Variants in CNTNAP2 observed in about 807,000 individuals in gnomAD.
The protein encoded by CNTNAP2 is contactin-associated protein-like 2.
Under a neutral mutation model 155.2 loss-of-function variants are expected in CNTNAP2, and 98 were observed. The observed-to-expected ratio is 0.63, with a 90% CI of 0.54 to 0.75. CNTNAP2 has a LOEUF of 0.75. CNTNAP2 is among the 30% of genes least tolerant of loss of function. The probability of loss-of-function intolerance (pLI) is 0.00; values close to 1 mark genes in which losing one functional copy is unlikely to be tolerated. For synonymous variants in CNTNAP2, 651 were observed against 631.2 expected, an observed-to-expected ratio of 1.03 and a Z score of -0.47; for missense variants, 1,727 against 1,688.1, an observed-to-expected ratio of 1.02 and a Z score of -0.40.
intron 1 of CNTNAP2, 23 bp from the exon 2 acceptor site, chr7:146,774,248 C>A (rs1476808496): frequency 6.4e-7 from 1 of 1,565,390 alleles, no homozygotes; most frequent in South Asian, 1.1e-5. Flanking sequence ...GTGTCTCTCT[C>A]CCTCTCTGTC....
intron 13 of CNTNAP2, among the ~76,000 whole-genome samples, chr7:147,795,057 T>C (rs1420721395): frequency 6.6e-6 from 1 of 151,962 alleles, no homozygotes; most frequent in Non-Finnish European, 1.5e-5. Context: ...ATGTTAACTA[T>C]CTCTGTTATT....
chr7:147,734,051 T>C (rs1302471763), intron 13 of CNTNAP2, among the ~76,000 whole-genome samples: 4 of 152,172 alleles, frequency 2.6e-5, no homozygotes, highest in African/African-American at 4.8e-5. Context: ...TCCAACACTA[T>C]GTTCAATAGT....
chr7:147,106,548 A>T (rs1212378656), intron 4 of CNTNAP2, among the ~76,000 whole-genome samples: 1 of 152,148 alleles, frequency 6.6e-6, no homozygotes, highest in Non-Finnish European at 1.5e-5. Flanking sequence ...AGAGCTGATT[A>T]TAAGAATTAA....
At chr7:146,899,243 C>T (rs1224766316) in intron 3 of CNTNAP2, among the ~76,000 whole-genome samples, 6 of 152,152 alleles carry the variant, frequency 3.9e-5, no homozygotes, top group African/African-American at 1.4e-4. Context: ...TTGCTGACTT[C>T]CCAAATTCCA....
At chr7:147,375,344 G>A (rs987506545) in intron 9 of CNTNAP2, among the ~76,000 whole-genome samples, 12 of 152,048 alleles carry the variant, frequency 7.9e-5, no homozygotes, top group African/African-American at 2.9e-4. Context: ...AACACAACTG[G>A]TGTGATTTGT....
In CNTNAP2 at chr7:146,151,682, GTATATATATATATATGTA is replaced by G. The variant is rs1271837030; in HGVS notation, c.97+34723_97+34740del. On this transcript the variant is annotated intron_variant, in intron 1 of 23. Coordinates refer to ENST00000361727, the MANE Select transcript of CNTNAP2 (RefSeq NM_014141.6). The stretch of plus-strand genomic sequence containing the variant: ...TATATATATATATATATATATATAT[GTATATATATATATATGTA>G]TATATATATATATGTATATATATAT... Among the ~76,000 whole-genome samples, 18 of 74,136 alleles carry G rather than the reference GTATATATATATATATGTA, an allele frequency of 2.4e-4. 1 individual carries two copies. Among genetic ancestry groups the G allele is most frequent in the Admixed American group, 4.0e-4 (2 of 4,940 alleles). 48.6% of individuals were successfully genotyped at this position (74,136 alleles called of 152,430 possible).
At chr7:148,264,587 G>A (rs1452346318) in intron 20 of CNTNAP2, among the ~76,000 whole-genome samples, 1 of 152,000 alleles carries the variant, frequency 6.6e-6, no homozygotes, top group Non-Finnish European at 1.5e-5. Flanking sequence ...TTATTAGCAG[G>A]CAACTTTTTT....
At chr7:147,050,351 T>C (rs1170794586) in intron 4 of CNTNAP2, among the ~76,000 whole-genome samples, 1 of 152,190 alleles carries the variant, frequency 6.6e-6, no homozygotes, top group East Asian at 1.9e-4. Context: ...TGATGGCAAA[T>C]ACTTAATTAG....
intron 1 of CNTNAP2, among the ~76,000 whole-genome samples, chr7:146,553,105 T>C (rs566523005): frequency 6.6e-6 from 1 of 152,282 alleles, no homozygotes; most frequent in Non-Finnish European, 1.5e-5. Context: ...TTTTAGTCTC[T>C]TCTGTTCACT....
intron 1 of CNTNAP2, among the ~76,000 whole-genome samples, chr7:146,616,710 T>C (rs771545568): frequency 5.3e-5 from 8 of 152,164 alleles, no homozygotes; most frequent in Non-Finnish European, 1.0e-4. Flanking sequence ...CAGACTAGCG[T>C]CTCTTCTAAT....
At chr7:146,777,854 A>G (rs1802417138) in intron 2 of CNTNAP2, among the ~76,000 whole-genome samples, 1 of 152,086 alleles carries the variant, frequency 6.6e-6, no homozygotes, top group Admixed American at 6.5e-5. Context: ...GTAGGGTGAA[A>G]TTCTTGAAAA....
chr7:148,257,305 G>A (rs1350955824), intron 20 of CNTNAP2, among the ~76,000 whole-genome samples: 2 of 152,150 alleles, frequency 1.3e-5, no homozygotes, highest in Non-Finnish European at 2.9e-5. Context: ...GGCATCCGCC[G>A]TGAAACACAC....
In CNTNAP2 at chr7:148,312,851, G is replaced by T. The variant is rs547625814; in HGVS notation, c.3475+45725G>T. ...TTTAATGGGATGGTAAGGGGTGCAT[G>T]ATCGGTCGCTAAGGAGGGAGTAGTG... On this transcript the variant is annotated intron_variant, in intron 21 of 23. Coordinates refer to ENST00000361727, the MANE Select transcript of CNTNAP2 (RefSeq NM_014141.6). 2.6e-5 allele frequency among the ~76,000 whole-genome samples: 4 copies of T among 151,624 alleles called. No homozygotes were observed. The East Asian group carries it at 5.9e-4, about 22-fold the overall frequency.
chr7:146,566,295 A>G (rs2129145149), intron 1 of CNTNAP2, among the ~76,000 whole-genome samples: 1 of 152,344 alleles, frequency 6.6e-6, no homozygotes, highest in Non-Finnish European at 1.5e-5. Context: ...ATGAAGATTT[A>G]TCTTTCAATT....
intron 3 of CNTNAP2, among the ~76,000 whole-genome samples, chr7:146,927,431 A>T (rs1796630130): frequency 6.6e-6 from 1 of 152,152 alleles, no homozygotes; most frequent in African/African-American, 2.4e-5. Flanking sequence ...CCAGAATTAG[A>T]AATATATATA....
At chr7:146,847,176 A>G (rs779930148) in intron 3 of CNTNAP2, among the ~76,000 whole-genome samples, 12 of 152,150 alleles carry the variant, frequency 7.9e-5, no homozygotes, top group African/African-American at 2.4e-4. Context: ...TGAATAAGAT[A>G]TCAGTTCCTT....
chr7:146,610,196 G>C (rs1799112661), intron 1 of CNTNAP2, among the ~76,000 whole-genome samples: 1 of 152,180 alleles, frequency 6.6e-6, no homozygotes, highest in African/African-American at 2.4e-5. Context: ...ATGTAAACCT[G>C]TGGGATTTGC....
intron 1 of CNTNAP2, among the ~76,000 whole-genome samples, chr7:146,414,752 T>C (rs1210293741): frequency 6.6e-6 from 1 of 152,182 alleles, no homozygotes; most frequent in Non-Finnish European, 1.5e-5. Context: ...ATGCCTGGTA[T>C]GCACCCATGA....
chr7:146,502,533 A>G (rs1465964125), intron 1 of CNTNAP2, among the ~76,000 whole-genome samples: 1 of 151,934 alleles, frequency 6.6e-6, no homozygotes, highest in African/African-American at 2.4e-5. Flanking sequence ...CCTTCTCTTC[A>G]TCCTCACCAA....
Sources: allele counts gnomAD v4.1 joint callset (sites outside exome capture counted in the v4.1 genomes callset), GRCh38; gene constraint gnomAD v4.1.1; transcripts MANE v1.5; gene names NCBI Gene and HGNC (gene_info 2026-07-23, HGNC 2026-07-21).